Variants in UBA6 observed in about 807,000 individuals in gnomAD.
UBA6 encodes ubiquitin-like modifier-activating enzyme 6.
Under a neutral mutation model 148.3 loss-of-function variants are expected in UBA6, and 87 were observed. The ratio of observed to expected loss-of-function variants is 0.59; its 90% CI spans 0.49 to 0.70. The LOEUF is 0.70. Among genes scored for constraint, UBA6 ranks in the 30% least tolerant of loss-of-function variants. The pLI is 0.00. For synonymous variants in UBA6, 376 were observed against 401.0 expected (o/e 0.94, Z 0.75); for missense variants, 1,186 against 1,241.2 (o/e 0.96, Z 0.67).
chr4:67,683,683 C>T (rs1451966107), intron 2 of UBA6, among the ~76,000 whole-genome samples: 1 of 151,716 alleles, frequency 6.6e-6, no homozygotes, highest in East Asian at 1.9e-4. Flanking sequence ...AAAGATTGGA[C>T]ACCCCTGCTC....
At chr4:67,698,621 T>A (rs1730896830) in intron 1 of UBA6, among the ~76,000 whole-genome samples, 1 of 152,112 alleles carries the variant, frequency 6.6e-6, no homozygotes, top group Non-Finnish European at 1.5e-5. Context: ...CCACACATAC[T>A]GCCTACTGTT....
chr4:67,643,737 T>C (rs1315414829), intron 17 of UBA6, among the ~76,000 whole-genome samples: 2 of 152,052 alleles, frequency 1.3e-5, no homozygotes, highest in Non-Finnish European at 2.9e-5. Flanking sequence ...TCCAGTAGTA[T>C]AGAAGCATGT....
chr4:67,694,652 C>G (rs1730789688), intron 2 of UBA6, among the ~76,000 whole-genome samples: 2 of 152,180 alleles, frequency 1.3e-5, no homozygotes, highest in African/African-American at 2.4e-5. Context: ...CCGCCTCGGC[C>G]TCCCAAAGTG....
At chr4:67,662,282 C>G (rs1577819663) in intron 12 of UBA6, 27 bp from the exon 13 acceptor site, 1 of 1,599,856 alleles carries the variant, frequency 6.3e-7, no homozygotes, top group Non-Finnish European at 8.5e-7. Context: ...AACACCCTAA[C>G]TTTAATTTTC....
intron 30 of UBA6, 42 bp from the exon 31 acceptor site, chr4:67,623,264 C>T (rs1433820211): frequency 2.0e-6 from 3 of 1,524,218 alleles, no homozygotes; most frequent in Non-Finnish European, 2.7e-6. Context: ...TTGAAATTTT[C>T]TTCCTTTTAG....
At position 67,619,134 on chromosome 4, in the gene UBA6, T is replaced by C; in HGVS notation, c.3024-2A>G. 6.3e-7 allele frequency: 1 copy of C among 1,587,376 alleles called. No individual in the cohort carries two copies. The highest frequency in any genetic ancestry group is 8.6e-7 in the Non-Finnish European group (1 of 1,160,790). ...GTAGGTTTTACAAGTTTATGCATTCTAAGAAAAATAAGCAAGAATGAATAC... is the reference window on the plus strand; with the variant it reads ...GTAGGTTTTACAAGTTTATGCATTCCAAGAAAAATAAGCAAGAATGAATAC... On this transcript the variant is annotated splice_acceptor_variant, in intron 32 of 32. Transcript: ENST00000322244. LOFTEE classifies it high-confidence loss of function.
chr4:67,701,143 G>T lies in UBA6; in HGVS notation c.-24C>A, dbSNP rs1339443286. 1 of 1,610,030 alleles carries T rather than the reference G, an allele frequency of 6.2e-7. No individual in the cohort carries two copies. Among genetic ancestry groups the T allele is most frequent in the Non-Finnish European group, 8.5e-7 (1 of 1,179,566 alleles). ...ATTGCCGCCTGAGACACCGCCGCCG[G>T]CTACTGGAAGGTAGGAAGGGGCGGG... is the stretch of plus-strand genomic sequence containing the variant. On this transcript the variant is annotated 5_prime_UTR_variant, in exon 1 of 33. Coordinates refer to ENST00000322244, the MANE Select transcript of UBA6 (RefSeq NM_018227.6).
chr4:67,618,310 A>G lies in UBA6; in HGVS notation c.*687T>C, dbSNP rs1210314132. On this transcript the variant is annotated 3_prime_UTR_variant, in exon 33 of 33. Coordinates refer to ENST00000322244, the MANE Select transcript of UBA6 (RefSeq NM_018227.6). ...TTCTCTAAGAGCGTTGTGAGAGTCC[A>G]TATAATACTGTTCACGTTTAGTCTA... 1.4e-4 allele frequency: 22 copies of G among 152,650 alleles called. No individual in the cohort carries two copies. The highest frequency in any genetic ancestry group is 1.4e-3 in the Admixed American group (22 of 15,272). The allele number at this position is 152,650 out of a possible 1,614,324, so 9.5% of individuals were successfully genotyped here. A position where few individuals can be genotyped will look rare whatever the true frequency, so the allele number is the denominator to read the frequency against.
At chr4:67,629,555 A>G (rs1728949381) in intron 26 of UBA6, among the ~76,000 whole-genome samples, 1 of 152,030 alleles carries the variant, frequency 6.6e-6, no homozygotes, top group Admixed American at 6.6e-5. Flanking sequence ...AATGGAATTC[A>G]TACCTTAAGA....
At position 67,693,332 on chromosome 4, in the gene UBA6, GTA is replaced by G. The variant is rs142145206; in HGVS notation, c.134+3311_134+3312del. On this transcript the variant is annotated intron_variant, in intron 2 of 32. Coordinates refer to ENST00000322244, the MANE Select transcript of UBA6 (RefSeq NM_018227.6). ...GCTTACTTTATTCTAAGAATACTGTGTATATATATATATACAGTATATAATAC... is the reference window on the plus strand; with the variant it reads ...GCTTACTTTATTCTAAGAATACTGTGTATATATATATACAGTATATAATAC... 2.0e-3 allele frequency among the ~76,000 whole-genome samples: 295 copies of G among 150,210 alleles called. 3 individuals carry two copies. The highest frequency in any genetic ancestry group is 3.6e-3 in the African/African-American group (149 of 41,062).
At chr4:67,625,653 G>A (rs1354914062) in intron 28 of UBA6, among the ~76,000 whole-genome samples, 1 of 151,928 alleles carries the variant, frequency 6.6e-6, no homozygotes, top group East Asian at 1.9e-4. Context: ...AATCTTTGTA[G>A]ATCAGTGGTT....
At chr4:67,635,681 G>T in intron 19 of UBA6, 123 bp from the exon 20 acceptor site, 1 of 593,554 alleles carries the variant, frequency 1.7e-6, no homozygotes, top group South Asian at 2.0e-5. Flanking sequence ...CAGTATTTTA[G>T]GAAAACAGAT....
At chr4:67,689,902 T>C (rs1179264386) in intron 2 of UBA6, among the ~76,000 whole-genome samples, 1 of 152,116 alleles carries the variant, frequency 6.6e-6, no homozygotes, top group Non-Finnish European at 1.5e-5. Context: ...GTCTACGACT[T>C]AGAAAAGCTC....
At chr4:67,634,790 A>C (rs1172851445) in intron 20 of UBA6, among the ~76,000 whole-genome samples, 1 of 152,056 alleles carries the variant, frequency 6.6e-6, no homozygotes, top group Non-Finnish European at 1.5e-5. Flanking sequence ...ATGACACACC[A>C]TCATCTATAA....
At chr4:67,624,299 T>A (rs781664414) in intron 29 of UBA6, 46 bp from the exon 30 acceptor site, 3 of 1,529,996 alleles carry the variant, frequency 2.0e-6, no homozygotes, top group Non-Finnish European at 2.6e-6. Context: ...CCTAAAACTA[T>A]CCGTGATTTT....
chr4:67,664,733 A>G (rs1729949239), intron 10 of UBA6, among the ~76,000 whole-genome samples: 1 of 152,132 alleles, frequency 6.6e-6, no homozygotes, highest in African/African-American at 2.4e-5. Context: ...AATTTATAAA[A>G]TTAAATTAAA....
At chr4:67,693,306 A>C (rs567374610) in intron 2 of UBA6, among the ~76,000 whole-genome samples, 4 of 151,770 alleles carry the variant, frequency 2.6e-5, no homozygotes, top group African/African-American at 7.2e-5. Flanking sequence ...TATTTTCTCT[A>C]GCTTACTTTA....
chr4:67,630,534 G>A lies in UBA6; in HGVS notation c.2260C>T (p.His754Tyr). 3 of 1,569,370 alleles carry A rather than the reference G, an allele frequency of 1.9e-6. No individual in the cohort carries two copies. The highest frequency in any genetic ancestry group is 1.7e-6 in the Non-Finnish European group (2 of 1,158,856). The change falls in exon 26 of 33, where the codon CAC (histidine) becomes TAC (tyrosine). Residue 754 changes from histidine to tyrosine, a missense_variant and splice_region_variant. By Grantham distance (83) the His-to-Tyr change is moderately conservative. Coordinates refer to ENST00000322244, the MANE Select transcript of UBA6 (RefSeq NM_018227.6). ...GCAGCATTCTGAAGGAAACTGAGGT[G>A]CCTTTTGAAATTAAAAAATAAAGCA... Reference protein sequence around the residue: ...PIKFDLNEPLHLSFLQNAAKL... With the variant: ...PIKFDLNEPLYLSFLQNAAKL...
At chr4:67,683,498 G>A (rs1041191975) in intron 2 of UBA6, among the ~76,000 whole-genome samples, 1 of 151,912 alleles carries the variant, frequency 6.6e-6, no homozygotes, top group Non-Finnish European at 1.5e-5. Flanking sequence ...GGCTGCATGC[G>A]GCCCAGGACA....
Sources: allele counts gnomAD v4.1 joint callset (sites outside exome capture counted in the v4.1 genomes callset), GRCh38; gene constraint gnomAD v4.1.1; transcripts MANE v1.5; gene names NCBI Gene and HGNC (gene_info 2026-07-23, HGNC 2026-07-21).